Variants in ESRRG observed in about 807,000 individuals in gnomAD.
ESRRG encodes the protein estrogen-related receptor gamma.
A neutral mutation model predicts 44.0 loss-of-function variants in ESRRG; 13 were observed. The ratio of observed to expected loss-of-function variants is 0.30; its 90% CI spans 0.19 to 0.47. The LOEUF (loss-of-function observed/expected upper bound fraction) is 0.47, where lower values mean the gene tolerates loss of function less well. ESRRG is among the 20% of genes least tolerant of loss of function. ESRRG has a pLI of 1.00. For missense variants in ESRRG, 395 were observed against 580.6 expected, an observed-to-expected ratio of 0.68 and a Z score of 3.29; for synonymous variants, 215 against 214.6, an observed-to-expected ratio of 1.00 and a Z score of -0.02.
chr1:216,600,179 G>A (rs2059009414), intron 3 of ESRRG, among the ~76,000 whole-genome samples: 1 of 152,202 alleles, frequency 6.6e-6, no homozygotes. Flanking sequence ...TTTGGCCGGG[G>A]GTTGGGGAAG....
At position 216,506,019 on chromosome 1, in the gene ESRRG, T is replaced by C. The variant is rs1571876924; in HGVS notation, c.*920A>G. The C allele has an allele frequency of 6.5e-6, 1 of 152,772 alleles. No individual in the cohort carries two copies. The highest frequency in any genetic ancestry group is 2.1e-4 in the South Asian group (1 of 4,826). 9.5% of individuals were successfully genotyped at this position (152,772 alleles called of 1,614,324 possible). On this transcript the variant is annotated 3_prime_UTR_variant, in exon 7 of 7. Transcript: ENST00000408911. ...CAGTATTCTTATTTCTCTTTAGTAT[T>C]GCATGAATGAATAAAGCTTAAACTA...
chr1:216,921,329 C>T (rs1319069699), intron 2 of ESRRG, among the ~76,000 whole-genome samples: 1 of 152,056 alleles, frequency 6.6e-6, no homozygotes, highest in Non-Finnish European at 1.5e-5. Context: ...CCTCTGTGTT[C>T]CATCGGTAAG....
chr1:216,542,723 T>G (rs1388326863), intron 5 of ESRRG, among the ~76,000 whole-genome samples: 2 of 151,992 alleles, frequency 1.3e-5, no homozygotes, highest in African/African-American at 4.8e-5. Flanking sequence ...CAAAAATACA[T>G]CAATAATGTA....
chr1:216,636,068 T>G (rs911281843), intron 3 of ESRRG, among the ~76,000 whole-genome samples: 3 of 152,196 alleles, frequency 2.0e-5, no homozygotes, highest in African/African-American at 7.2e-5. Context: ...GCCATTACTA[T>G]TATCACTATT....
At chr1:217,086,447 G>A (rs1318889394) in intron 1 of ESRRG, among the ~76,000 whole-genome samples, 2 of 152,046 alleles carry the variant, frequency 1.3e-5, no homozygotes, top group African/African-American at 2.4e-5. Flanking sequence ...CAAAGTCCTC[G>A]CACTAACAAC....
At chr1:216,876,877 A>T (rs2096363664) in intron 2 of ESRRG, among the ~76,000 whole-genome samples, 1 of 152,140 alleles carries the variant, frequency 6.6e-6, no homozygotes, top group Admixed American at 6.5e-5. Flanking sequence ...AATCTTCTTG[A>T]ACAAAAACAA....
intron 2 of ESRRG, among the ~76,000 whole-genome samples, chr1:216,767,818 AG>A (rs892632662): frequency 1.3e-5 from 2 of 152,144 alleles, no homozygotes; most frequent in African/African-American, 2.4e-5. Flanking sequence ...GGGTAGAAAA[AG>A]TGTGGCCTAT....
At chr1:217,098,627 C>A (rs528064020) in intron 1 of ESRRG, among the ~76,000 whole-genome samples, 2 of 152,088 alleles carry the variant, frequency 1.3e-5, no homozygotes, top group Non-Finnish European at 2.9e-5. Flanking sequence ...GGAAGGAAAA[C>A]AGGAAGAAAA....
At chr1:216,950,755 G>A (rs2066821692) in intron 1 of ESRRG, among the ~76,000 whole-genome samples, 1 of 152,114 alleles carries the variant, frequency 6.6e-6, no homozygotes, top group Admixed American at 6.5e-5. Context: ...TATTGAAGAT[G>A]TTCAAAAACT....
At chr1:217,063,016 T>A (rs951416) in intron 1 of ESRRG, among the ~76,000 whole-genome samples, 28,022 of 152,020 alleles carry the variant, frequency 0.18, 2,641 homozygotes, top group African/African-American at 0.21. Context: ...CCGTTGAGAT[T>A]TAACAGCAGG....
chr1:216,967,753 A>G (rs1198977019), intron 1 of ESRRG, among the ~76,000 whole-genome samples: 1 of 152,216 alleles, frequency 6.6e-6, no homozygotes, highest in East Asian at 1.9e-4. Context: ...GTAAAAACCA[A>G]GGAACATGAT....
intron 1 of ESRRG, among the ~76,000 whole-genome samples, chr1:217,005,005 T>C (rs997525836): frequency 6.6e-6 from 1 of 152,162 alleles, no homozygotes; most frequent in Non-Finnish European, 1.5e-5. Context: ...TCTACTCTTA[T>C]TAATAAAAAG....
chr1:217,014,999 T>C (rs1474353949), intron 1 of ESRRG, among the ~76,000 whole-genome samples: 1 of 151,958 alleles, frequency 6.6e-6, no homozygotes, highest in Non-Finnish European at 1.5e-5. Flanking sequence ...CTTAGAAAAA[T>C]GACCAAAAAA....
intron 2 of ESRRG, among the ~76,000 whole-genome samples, chr1:216,848,170 A>G (rs976338720): frequency 5.3e-5 from 8 of 152,122 alleles, no homozygotes; most frequent in African/African-American, 1.9e-4. Flanking sequence ...AGAAGGACCT[A>G]GAATGGCAAC....
chr1:217,021,785 A>G (rs148091370), intron 1 of ESRRG, among the ~76,000 whole-genome samples: 9 of 152,194 alleles, frequency 5.9e-5, no homozygotes, highest in African/African-American at 2.2e-4. Context: ...CTGATATTAC[A>G]CTACACTTAG....
chr1:216,881,716 C>T (rs1044846355), intron 2 of ESRRG, among the ~76,000 whole-genome samples: 2 of 151,962 alleles, frequency 1.3e-5, no homozygotes, highest in African/African-American at 4.8e-5. Flanking sequence ...GATAATCCGA[C>T]GTTAAGGAAG....
chr1:216,630,565 A>T (rs542080861), intron 3 of ESRRG, among the ~76,000 whole-genome samples: 2 of 152,258 alleles, frequency 1.3e-5, no homozygotes, highest in East Asian at 3.9e-4. Flanking sequence ...TGCTGAAAAC[A>T]GGGGTTGATA....
intron 1 of ESRRG, among the ~76,000 whole-genome samples, chr1:217,035,089 G>C (rs1486616785): frequency 6.6e-6 from 1 of 152,160 alleles, no homozygotes; most frequent in East Asian, 1.9e-4. Flanking sequence ...ACCTTGGCCA[G>C]ATTTCCTTAC....
chr1:217,079,317 CT>C (rs1212734065), intron 1 of ESRRG, among the ~76,000 whole-genome samples: 1 of 152,162 alleles, frequency 6.6e-6, no homozygotes, highest in Non-Finnish European at 1.5e-5. Context: ...CACTATTGTG[CT>C]TTTTATTTCA....
Sources: gnomAD v4.1 joint callset for allele counts (sites outside exome capture counted in the v4.1 genomes callset) on GRCh38, gnomAD v4.1.1 for gene constraint, MANE v1.5 for transcripts, NCBI Gene and HGNC (gene_info 2026-07-23, HGNC 2026-07-21) for gene names.